The following TMC2 variants were observed in gnomAD, a reference collection of about 807,000 sequenced individuals.
TMC2 encodes the protein transmembrane channel like 2, also known as transmembrane channel-like protein 2.
Under a neutral mutation model 105.9 loss-of-function variants are expected in TMC2, and 102 were observed. That is an observed-to-expected ratio of 0.96 (90% CI 0.82 to 1.14). The LOEUF is 1.14. Ranked by LOEUF, TMC2 falls within the 50% of genes most tolerant of loss-of-function variation. The probability of loss-of-function intolerance (pLI) is 0.00; values close to 1 mark genes in which losing one functional copy is unlikely to be tolerated. For missense variants in TMC2, 1,093 were observed against 1,134.3 expected, an observed-to-expected ratio of 0.96 and a Z score of 0.52; for synonymous variants, 402 against 422.8, an observed-to-expected ratio of 0.95 and a Z score of 0.60.
chr20:2,633,907 A>G (rs886291398), intron 17 of TMC2, among the ~76,000 whole-genome samples: 26 of 152,180 alleles, frequency 1.7e-4, no homozygotes, highest in African/African-American at 5.8e-4. Flanking sequence ...GATTCTGACA[A>G]TTTTGGCTGG....
chr20:2,606,891 C>CTTTTTTTTTT (rs11476357), intron 11 of TMC2, among the ~76,000 whole-genome samples: 19 of 83,972 alleles, frequency 2.3e-4, no homozygotes, highest in East Asian at 3.4e-4. Context: ...TTTCTTTTTT[C>CTTTTTTTTTT]TTTTTTTTTT....
intron 4 of TMC2, among the ~76,000 whole-genome samples, chr20:2,564,420 G>T (rs1231212199): frequency 6.6e-6 from 1 of 151,914 alleles, no homozygotes; most frequent in African/African-American, 2.4e-5. Flanking sequence ...AAAGTGCTGA[G>T]ATTACAGGCA....
chr20:2,582,356 G>A (rs943147879), intron 7 of TMC2, among the ~76,000 whole-genome samples: 1 of 152,186 alleles, frequency 6.6e-6, no homozygotes, highest in African/African-American at 2.4e-5. Flanking sequence ...TTCAGCATAA[G>A]CTAAGGTTCA....
At chr20:2,546,249 G>A (rs6138358) in intron 2 of TMC2, among the ~76,000 whole-genome samples, 45,196 of 152,022 alleles carry the variant, frequency 0.3, 7,306 homozygotes, top group Admixed American at 0.4. Flanking sequence ...AACTGGAACC[G>A]AATGAAACTG....
At chr20:2,620,733 G>T (rs141161247) in intron 16 of TMC2, among the ~76,000 whole-genome samples, 1 of 152,198 alleles carries the variant, frequency 6.6e-6, no homozygotes, top group Admixed American at 6.5e-5. Context: ...GAAGAAGGAA[G>T]GGTGGAAGTG....
intron 14 of TMC2, chr20:2,614,168 A>C (rs1263728372): frequency 2.0e-5 from 3 of 152,248 alleles, no homozygotes; most frequent in African/African-American, 7.2e-5. Context: ...GTGCTCAAAG[A>C]GGATGACATC....
chr20:2,566,241 G>A (rs1568507411), intron 4 of TMC2, among the ~76,000 whole-genome samples: 2 of 152,100 alleles, frequency 1.3e-5, no homozygotes, highest in Non-Finnish European at 2.9e-5. Flanking sequence ...ACCTCACAGG[G>A]TTGTTCAAAC....
In TMC2 at chr20:2,637,481, A is replaced by C. The variant is rs1339555892; in HGVS notation, c.2393A>C (p.Glu798Ala). Reference protein sequence around the residue: ...QLRKKIQVLREVEKSHKSVKG... With the variant: ...QLRKKIQVLRAVEKSHKSVKG... ...GTTCATTATTTCCTGCAGCTCCGTG[A>C]AGTTGAGAAGAGTCACAAATCTGTA... Residue 798 changes from glutamate (E) to alanine (A), a missense_variant, in exon 19 of 20, where the codon GAA (glutamate) becomes GCA (alanine). Transcript: ENST00000358864. The C allele has an allele frequency of 6.2e-7, 1 of 1,611,160 alleles. No homozygotes were observed. Among genetic ancestry groups the C allele is most frequent in the Non-Finnish European group, 8.5e-7 (1 of 1,177,548 alleles).
intron 1 of TMC2, 34 bp from the exon 2 acceptor site, chr20:2,537,235 G>T (rs1289580412): frequency 1.3e-6 from 2 of 1,583,336 alleles, no homozygotes; most frequent in Non-Finnish European, 1.7e-6. Context: ...CTCACCAGAG[G>T]CCAGCCATTT....
At chr20:2,586,545 T>C (rs2086233191) in intron 7 of TMC2, among the ~76,000 whole-genome samples, 2 of 152,224 alleles carry the variant, frequency 1.3e-5, no homozygotes, top group South Asian at 4.1e-4. Context: ...TACATCATGA[T>C]GGAAGGTGAA....
chr20:2,541,607 CT>C (rs2085890175), intron 2 of TMC2, among the ~76,000 whole-genome samples: 1 of 149,398 alleles, frequency 6.7e-6, no homozygotes, highest in South Asian at 2.1e-4. Context: ...CACCACTGCC[CT>C]CCAGACTGGG....
chr20:2,537,385 C>T lies in TMC2; in HGVS notation c.82+69C>T, dbSNP rs957407477. 7.2e-6 allele frequency: 9 copies of T among 1,252,704 alleles called. No individual in the cohort carries two copies. In the African/African-American group the frequency reaches 8.9e-5, roughly 12 times the overall value. 77.6% of individuals were successfully genotyped at this position (1,252,704 alleles called of 1,614,324 possible). On this transcript the variant is annotated intron_variant, in intron 2 of 19. Coordinates refer to ENST00000358864, the MANE Select transcript of TMC2 (RefSeq NM_080751.3). ...GGTGCCCTCTGCTTAGCCCAACAGT[C>T]CAGCCACCCATCCAACATTCTCCTT...
chr20:2,624,765 T>C (rs2086552493), intron 17 of TMC2, among the ~76,000 whole-genome samples: 1 of 152,158 alleles, frequency 6.6e-6, no homozygotes, highest in African/African-American at 2.4e-5. Context: ...GTAACAGAGA[T>C]GAGGGCACCA....
At chr20:2,539,728 C>T (rs1309250001) in intron 2 of TMC2, among the ~76,000 whole-genome samples, 3 of 152,302 alleles carry the variant, frequency 2.0e-5, no homozygotes, top group East Asian at 3.9e-4. Context: ...TACTGCCTTC[C>T]AGAGCATTGC....
At chr20:2,542,068 G>A (rs1437156546) in intron 2 of TMC2, among the ~76,000 whole-genome samples, 1 of 152,116 alleles carries the variant, frequency 6.6e-6, no homozygotes, top group Non-Finnish European at 1.5e-5. Flanking sequence ...TGTTGGAGAG[G>A]AGAATTTTTT....
In TMC2 at chr20:2,558,667, G is replaced by A. The variant is rs768774470; in HGVS notation, c.294G>A (p.Arg98=). Residue 98 remains arginine, a synonymous_variant, in exon 3 of 20, where the codon AGG becomes AGA. Transcript: ENST00000358864. This position sits in a 1 kb window ranked among gnomAD's most constrained non-coding sequence, Gnocchi z 4.6. The part of the protein sequence containing the change: ...RGEAERTCEG[R]RKRDERASFQ... ...AGGCAGAGAGGACCTGCGAGGGCAG[G>A]AGAAAGCGCGACGAGAGGGCCTCCT... The A allele has an allele frequency of 1.8e-5, 29 of 1,592,982 alleles. No homozygotes were observed. In the South Asian group the frequency reaches 3.1e-4, roughly 17 times the overall value.
In TMC2 at chr20:2,572,162, T is replaced by TTTTTTTTTTTTTTTTA; in HGVS notation, c.555-9_555-8insTTTTTTTATTTTTTTT. 6.3e-7 allele frequency: 1 copy of TTTTTTTTTTTTTTTTA among 1,594,444 alleles called. No homozygotes were observed. Among genetic ancestry groups the TTTTTTTTTTTTTTTTA allele is most frequent in the African/African-American group, 1.4e-5 (1 of 73,692 alleles). On this transcript the variant is annotated splice_polypyrimidine_tract_variant and intron_variant, in intron 4 of 19. Transcript: ENST00000358864. ...GGTGCTAACTGAAATCCTGCTTTTT[T>TTTTTTTTTTTTTTTTA]TTTTTTTTCTAAGCAGGGAGGCCCA...
At chr20:2,613,651 T>C (rs995248734) in intron 14 of TMC2, 1 of 342,582 alleles carries the variant, frequency 2.9e-6, no homozygotes, top group African/African-American at 2.1e-5. Flanking sequence ...CAACTCTCAT[T>C]ATGGGGGCTG....
At chr20:2,634,101 C>A (rs1013363623) in intron 17 of TMC2, among the ~76,000 whole-genome samples, 1 of 152,104 alleles carries the variant, frequency 6.6e-6, no homozygotes, top group Non-Finnish European at 1.5e-5. Flanking sequence ...CTTTGAAATT[C>A]CCAAAAAGTA....
Sources: gnomAD v4.1 joint callset for allele counts (sites outside exome capture counted in the v4.1 genomes callset) on GRCh38, gnomAD v4.1.1 for gene constraint, Gnocchi (gnomAD v3.1) non-coding constraint, MANE v1.5 for transcripts, NCBI Gene and HGNC (gene_info 2026-07-23, HGNC 2026-07-21) for gene names.